The following RNF145 variants were observed in gnomAD, a reference collection of about 807,000 sequenced individuals.
RNF145 encodes the protein ring finger protein 145.
In RNF145, 12 loss-of-function variants were observed where a neutral mutation model predicts 57.3. That is an observed-to-expected ratio of 0.21 (90% CI 0.13 to 0.34). The LOEUF (loss-of-function observed/expected upper bound fraction) is 0.34. Ranked by LOEUF, RNF145 falls within the 10% of genes least tolerant of loss-of-function variation. The pLI, the probability that RNF145 is intolerant of heterozygous loss-of-function variation, is 1.00. For missense variants in RNF145, 429 were observed against 799.0 expected (o/e 0.54, Z 5.58); for synonymous variants, 262 against 288.3 (o/e 0.91, Z 0.92).
intron 9 of RNF145, among the ~76,000 whole-genome samples, chr5:159,161,862 C>A (rs1020196705): frequency 6.6e-6 from 1 of 152,128 alleles, no homozygotes; most frequent in Admixed American, 6.5e-5. Context: ...AAAGCCACAC[C>A]GTCAGACGTG....
intron 1 of RNF145, among the ~76,000 whole-genome samples, chr5:159,204,204 AG>A (rs1305535383): frequency 6.6e-6 from 1 of 152,230 alleles, no homozygotes; most frequent in Non-Finnish European, 1.5e-5. Context: ...ATACAGGTAG[AG>A]GGAACATTAT....
At chr5:159,178,359 C>A (rs1452679782) in intron 4 of RNF145, among the ~76,000 whole-genome samples, 1 of 151,894 alleles carries the variant, frequency 6.6e-6, no homozygotes, top group Non-Finnish European at 1.5e-5. Context: ...ACTCCAAAAT[C>A]TTTTACATAT....
In RNF145 at chr5:159,203,609, T is replaced by G. The variant is rs200164978; in HGVS notation, c.9A>C (p.Ala3=). The G allele has an allele frequency of 1.1e-4, 182 of 1,609,730 alleles. No individual in the cohort carries two copies. The highest frequency in any genetic ancestry group is 8.2e-4 in the Middle Eastern group (5 of 6,064). The change falls in exon 2 of 11, where the codon GCA becomes GCC. Residue 3 remains alanine (A), a synonymous_variant. Transcript: ENST00000424310. The part of the protein sequence containing the change: MA[A]KEKLEAVLNV... Reference sequence around the variant, plus strand: ...TTAACACTGCCTCCAGTTTCTCCTTTGCAGCCATGTTGTTTTTTTTTTTCT... The same window carrying G: ...TTAACACTGCCTCCAGTTTCTCCTTGGCAGCCATGTTGTTTTTTTTTTTCT...
At chr5:159,159,841 G>C (rs1251964009) in intron 10 of RNF145, among the ~76,000 whole-genome samples, 3 of 152,190 alleles carry the variant, frequency 2.0e-5, no homozygotes, top group Admixed American at 6.5e-5. Flanking sequence ...AACGTTTCGT[G>C]AATCAACCAT....
chr5:159,159,064 T>C (rs1784132374), intron 10 of RNF145, 29 bp from the exon 11 acceptor site: 2 of 1,575,102 alleles, frequency 1.3e-6, no homozygotes, highest in Non-Finnish European at 1.7e-6. Context: ...AGATACCTTA[T>C]AAATGTCTGT....
At position 159,157,661 on chromosome 5, in the gene RNF145, ACATC is replaced by A. The variant is rs1784085515; in HGVS notation, c.*1005_*1008del. The A allele has an allele frequency of 6.5e-6, 1 of 152,746 alleles. No individual in the cohort carries two copies. The highest frequency in any genetic ancestry group is 6.5e-5 in the Admixed American group (1 of 15,284). 9.5% of individuals were successfully genotyped at this position (152,746 alleles called of 1,614,324 possible). On this transcript the variant is annotated 3_prime_UTR_variant, in exon 11 of 11. Transcript: ENST00000424310. ...ATGAATGTAAAAATTTAAATATGAC[ACATC>A]CTTGTCAAAGAAAAGGTGCAAAGTC...
chr5:159,190,676 C>A (rs1785258535), intron 3 of RNF145, among the ~76,000 whole-genome samples: 3 of 104,804 alleles, frequency 2.9e-5, no homozygotes, highest in African/African-American at 4.2e-5. Context: ...CAGTGACAAC[C>A]ATCTCAAAAA....
At chr5:159,182,811 G>A (rs958537188) in intron 3 of RNF145, among the ~76,000 whole-genome samples, 1 of 152,072 alleles carries the variant, frequency 6.6e-6, no homozygotes, top group African/African-American at 2.4e-5. Context: ...AAGACAGTTT[G>A]TCTAAAGTAT....
chr5:159,195,947 C>T (rs1785445402), intron 2 of RNF145, among the ~76,000 whole-genome samples: 1 of 152,060 alleles, frequency 6.6e-6, no homozygotes, highest in Non-Finnish European at 1.5e-5. Flanking sequence ...CAAAGTAACT[C>T]AGTGACTCAA....
At chr5:159,185,415 A>G (rs1785025394) in intron 3 of RNF145, among the ~76,000 whole-genome samples, 1 of 152,226 alleles carries the variant, frequency 6.6e-6, no homozygotes, top group African/African-American at 2.4e-5. Context: ...CAGGGTTAAC[A>G]AAAATCTCTA....
upstream of RNF145, chr5:159,209,566 CCGACT>C: frequency 1.0e-6 from 1 of 1,001,576 alleles, no homozygotes; most frequent in Non-Finnish European, 1.2e-6. Context: ...CGGCCGCGGC[CCGACT>C]TCCGCACTCT....
At chr5:159,179,339 C>T (rs559548524) in intron 4 of RNF145, among the ~76,000 whole-genome samples, 9 of 152,112 alleles carry the variant, frequency 5.9e-5, no homozygotes, top group Non-Finnish European at 1.3e-4. Context: ...CAACTTTTAA[C>T]TCTGCATAAA....
Position 159,203,635 on chromosome 5 carries a change from T to A in RNF145, c.-18A>T. 1.3e-6 allele frequency: 2 copies of A among 1,561,238 alleles called. No individual in the cohort carries two copies. Among genetic ancestry groups the A allele is most frequent in the Non-Finnish European group, 1.7e-6 (2 of 1,151,432 alleles). On this transcript the variant is annotated 5_prime_UTR_variant, in exon 2 of 11. Coordinates refer to ENST00000424310, the MANE Select transcript of RNF145 (RefSeq NM_001199383.2). ...GCAGCCATGTTGTTTTTTTTTTTCT[T>A]TTTTTTTTTCTTGGAGAAGACCTAA...
chr5:159,197,874 T>C (rs972386286), intron 2 of RNF145, among the ~76,000 whole-genome samples: 2 of 151,296 alleles, frequency 1.3e-5, no homozygotes, highest in Non-Finnish European at 3.0e-5. Context: ...GGAGGATCCC[T>C]TGAGCCCAAG....
chr5:159,208,839 G>T (rs1785995380), intron 1 of RNF145, among the ~76,000 whole-genome samples: 1 of 151,970 alleles, frequency 6.6e-6, no homozygotes, highest in Admixed American at 6.5e-5. Context: ...GGAGGCAAAG[G>T]GGGACAGCCC....
chr5:159,195,939 AAGTAACTC>A (rs557079532), intron 2 of RNF145, among the ~76,000 whole-genome samples: 75 of 152,232 alleles, frequency 4.9e-4, no homozygotes, highest in African/African-American at 1.3e-3. Context: ...TCCCTCAACA[AAGTAACTC>A]AGTGACTCAA....
At chr5:159,180,998 C>T (rs1400529451) in intron 4 of RNF145, among the ~76,000 whole-genome samples, 2 of 151,880 alleles carry the variant, frequency 1.3e-5, no homozygotes, top group Non-Finnish European at 2.9e-5. Flanking sequence ...ACTCCTCAGG[C>T]GACGGATGCA....
At chr5:159,195,532 T>A (rs1785430547) in intron 2 of RNF145, among the ~76,000 whole-genome samples, 3 of 152,170 alleles carry the variant, frequency 2.0e-5, no homozygotes, top group African/African-American at 7.2e-5. Context: ...TGCCTACTTA[T>A]CACATCTAAG....
In RNF145 at chr5:159,203,564, T is replaced by C. The variant is rs199602673; in HGVS notation, c.54A>G (p.Pro18=). 6.8e-6 allele frequency: 11 copies of C among 1,613,874 alleles called. No homozygotes were observed. The South Asian group carries it at 7.7e-5, about 11-fold the overall frequency. The change falls in exon 2 of 11, where the codon CCA becomes CCG. Residue 18 remains proline (P), a synonymous_variant. Transcript: ENST00000424310. ...ACAGGACATCCAACAGCATGATGCT[T>C]GGCACCCTCAGGGCCACATTTAACA... The part of the protein sequence containing the change: ...EAVLNVALRV[P]SIMLLDVLYR...
Sources: gnomAD v4.1 joint callset for allele counts (sites outside exome capture counted in the v4.1 genomes callset) on GRCh38, gnomAD v4.1.1 for gene constraint, MANE v1.5 for transcripts, NCBI Gene and HGNC (gene_info 2026-07-23, HGNC 2026-07-21) for gene names.